GRM5: variants seen among roughly 807,000 people sequenced by gnomAD.
GRM5 encodes metabotropic glutamate receptor 5.
GRM5 carries 19 observed loss-of-function variants against 83.1 expected under a neutral mutation model. The ratio of observed to expected loss-of-function variants is 0.23; its 90% CI spans 0.16 to 0.34. GRM5 has a LOEUF of 0.34. Ranked by LOEUF, GRM5 falls within the 10% of genes least tolerant of loss-of-function variation. The pLI is 1.00. For missense variants in GRM5, 1,160 were observed against 1,588.3 expected, an observed-to-expected ratio of 0.73 and a Z score of 4.58; for synonymous variants, 675 against 633.6, an observed-to-expected ratio of 1.07 and a Z score of -0.98.
At chr11:88,669,604 T>A (rs538174789) in intron 3 of GRM5, among the ~76,000 whole-genome samples, 2 of 152,100 alleles carry the variant, frequency 1.3e-5, no homozygotes, top group East Asian at 3.9e-4. Context: ...ACAAAGGAAT[T>A]TAGAAAATTG....
chr11:88,872,532 G>C (rs1272429176), intron 2 of GRM5, among the ~76,000 whole-genome samples: 2 of 151,416 alleles, frequency 1.3e-5, no homozygotes, highest in Non-Finnish European at 3.0e-5. Flanking sequence ...ATGGCAAATA[G>C]AAAGCTACAA....
chr11:88,823,023 C>G (rs1285284286), intron 3 of GRM5, among the ~76,000 whole-genome samples: 1 of 151,908 alleles, frequency 6.6e-6, no homozygotes, highest in Non-Finnish European at 1.5e-5. Flanking sequence ...TTCATTTTCT[C>G]TATTCTTTTG....
At chr11:88,856,333 G>T (rs1944475620) in intron 2 of GRM5, among the ~76,000 whole-genome samples, 1 of 151,906 alleles carries the variant, frequency 6.6e-6, no homozygotes. Flanking sequence ...TTTCTTAAAA[G>T]TAAAGACACA....
In GRM5 at chr11:88,613,785, A is replaced by G. The variant is rs1001374965; in HGVS notation, c.1148-8821T>C. The stretch of plus-strand genomic sequence containing the variant: ...GAACACTTCCTTCATGAAGACCACC[A>G]TGATTGCAGATATTAAAATTAAGTT... On this transcript the variant is annotated intron_variant, in intron 4 of 9. Coordinates refer to ENST00000305447, the MANE Select transcript of GRM5 (RefSeq NM_001143831.3). 1.4e-4 allele frequency among the ~76,000 whole-genome samples: 22 copies of G among 152,310 alleles called. No individual in the cohort carries two copies. In the East Asian group the frequency reaches 3.7e-3, roughly 25 times the overall value.
intron 3 of GRM5, among the ~76,000 whole-genome samples, chr11:88,753,981 G>A (rs1942340901): frequency 6.6e-6 from 1 of 152,066 alleles, no homozygotes; most frequent in Admixed American, 6.5e-5. Flanking sequence ...CTGCCCCCAT[G>A]ATTCAATTAT....
At chr11:88,632,638 G>T (rs1364096485) in intron 4 of GRM5, among the ~76,000 whole-genome samples, 1 of 152,084 alleles carries the variant, frequency 6.6e-6, no homozygotes, top group Non-Finnish European at 1.5e-5. Context: ...GAATATTTAG[G>T]TTTTTTGGCG....
intron 4 of GRM5, among the ~76,000 whole-genome samples, chr11:88,652,504 G>T (rs1465756815): frequency 6.6e-6 from 1 of 151,858 alleles, no homozygotes; most frequent in Non-Finnish European, 1.5e-5. Context: ...ATTTTTGTTG[G>T]CATTACTATC....
At chr11:88,734,704 T>C (rs1416159938) in intron 3 of GRM5, among the ~76,000 whole-genome samples, 1 of 152,056 alleles carries the variant, frequency 6.6e-6, no homozygotes, top group Non-Finnish European at 1.5e-5. Flanking sequence ...CATCATTTTC[T>C]GTCTGTCACA....
intron 2 of GRM5, among the ~76,000 whole-genome samples, chr11:88,938,884 A>T (rs1427088967): frequency 6.6e-6 from 1 of 151,880 alleles, no homozygotes; most frequent in African/African-American, 2.4e-5. Flanking sequence ...AGATGGTATC[A>T]AACAAACTGT....
At chr11:88,849,730 G>C (rs533659705) in intron 3 of GRM5, among the ~76,000 whole-genome samples, 176 bp downstream of exon 3, 1 of 152,228 alleles carries the variant, frequency 6.6e-6, no homozygotes, top group East Asian at 1.9e-4. Context: ...GCACATGGCG[G>C]ATCTACTTAT....
chr11:88,793,788 G>C (rs1053914551), intron 3 of GRM5, among the ~76,000 whole-genome samples: 1 of 152,112 alleles, frequency 6.6e-6, no homozygotes, highest in Admixed American at 6.6e-5. Flanking sequence ...GATAGGTTGG[G>C]AAAGGAAACA....
At chr11:88,570,572 T>TATATATATATA (rs1491417366) in intron 7 of GRM5, among the ~76,000 whole-genome samples, 17 of 42,368 alleles carry the variant, frequency 4.0e-4, no homozygotes, top group South Asian at 1.7e-3. Flanking sequence ...TATATATATA[T>TATATATATATA]TTTTTTTTTT....
intron 3 of GRM5, among the ~76,000 whole-genome samples, chr11:88,837,399 C>T (rs538835590): frequency 4.6e-5 from 7 of 152,046 alleles, no homozygotes; most frequent in Non-Finnish European, 1.0e-4. Flanking sequence ...ATAATAATAG[C>T]TTACAAATAG....
chr11:88,513,438 T>G (rs1941435989), intron 9 of GRM5, among the ~76,000 whole-genome samples: 1 of 152,200 alleles, frequency 6.6e-6, no homozygotes, highest in Non-Finnish European at 1.5e-5. Context: ...GAAACTCTAT[T>G]TTGCCTTATG....
chr11:88,593,963 T>C (rs1937725253), intron 6 of GRM5, among the ~76,000 whole-genome samples: 1 of 151,796 alleles, frequency 6.6e-6, no homozygotes, highest in Non-Finnish European at 1.5e-5. Flanking sequence ...CTGGCTAATT[T>C]TTTTGTATTT....
chr11:88,841,030 T>G (rs2135530473), intron 3 of GRM5, among the ~76,000 whole-genome samples: 1 of 152,282 alleles, frequency 6.6e-6, no homozygotes, highest in East Asian at 1.9e-4. Context: ...TGCTAGAAGA[T>G]TAGCAACTGT....
At chr11:88,643,761 A>AT (rs62678060) in intron 4 of GRM5, among the ~76,000 whole-genome samples, 3 of 151,878 alleles carry the variant, frequency 2.0e-5, no homozygotes, top group African/African-American at 7.3e-5. Flanking sequence ...CTTTCAGTAG[A>AT]TTTTTTTTTA....
rs775959969 is a variant in GRM5 at position 88,567,476 on chromosome 11, G to C, written c.2207C>G (p.Thr736Ser). 1 of 1,614,080 alleles carries C rather than the reference G, an allele frequency of 6.2e-7. No individual in the cohort carries two copies. Among genetic ancestry groups the C allele is most frequent in the South Asian group, 1.1e-5 (1 of 91,076 alleles). ...AAGTGGAGTGACAACTCCTAGGTTG[G>C]TGGTGTTACAGATCAGGTAGACTTC... The part of the protein sequence containing the change: ...IREVYLICNT[T>S]NLGVVTPLGY... The change falls in exon 8 of 10, where the codon ACC (threonine) becomes AGC (serine). Residue 736 changes from threonine (T) to serine (S), a missense_variant. Coordinates refer to ENST00000305447, the MANE Select transcript of GRM5 (RefSeq NM_001143831.3). The surrounding 1 kb of genome is among the most constrained non-coding windows in gnomAD (Gnocchi z 7.3).
chr11:88,680,161 ATGTAGGTGTGC>A (rs1940442331), intron 3 of GRM5, among the ~76,000 whole-genome samples: 1 of 152,180 alleles, frequency 6.6e-6, no homozygotes, highest in Non-Finnish European at 1.5e-5. Context: ...TACATGTGCC[ATGTAGGTGTGC>A]TGCACCCAAT....
Sources: allele counts gnomAD v4.1 joint callset (sites outside exome capture counted in the v4.1 genomes callset), GRCh38; gene constraint gnomAD v4.1.1; non-coding constraint Gnocchi (gnomAD v3.1); transcripts MANE v1.5; gene names NCBI Gene and HGNC (gene_info 2026-07-23, HGNC 2026-07-21).